GABRG3: variants seen among roughly 807,000 people sequenced by gnomAD.
The protein encoded by GABRG3 is gamma-aminobutyric acid receptor subunit gamma-3.
GABRG3 carries 25 observed loss-of-function variants against 48.8 expected under a neutral mutation model. That is an observed-to-expected ratio of 0.51 (90% CI 0.37 to 0.72). The LOEUF (loss-of-function observed/expected upper bound fraction) is 0.72, where lower values mean the gene tolerates loss of function less well. Among genes scored for constraint, GABRG3 ranks in the 30% least tolerant of loss-of-function variants. The pLI, the probability that GABRG3 is intolerant of heterozygous loss-of-function variation, is 0.00. For missense variants in GABRG3, 394 were observed against 577.9 expected (o/e 0.68, Z 3.26); for synonymous variants, 227 against 217.6 (o/e 1.04, Z -0.38).
chr15:27,307,157 A>C (rs186011615), intron 3 of GABRG3, among the ~76,000 whole-genome samples: 1 of 135,002 alleles, frequency 7.4e-6, no homozygotes, highest in African/African-American at 2.7e-5. Context: ...TAAACATATA[A>C]AAACATGTTT....
intron 3 of GABRG3, among the ~76,000 whole-genome samples, chr15:27,218,780 C>T (rs151268427): frequency 8.5e-5 from 13 of 152,306 alleles, no homozygotes; most frequent in South Asian, 2.1e-4. Context: ...TGAACCGCTG[C>T]GACTGATGGT....
intron 5 of GABRG3, among the ~76,000 whole-genome samples, chr15:27,456,549 C>G (rs1023310591): frequency 1.1e-4 from 16 of 152,212 alleles, no homozygotes; most frequent in African/African-American, 3.6e-4. Context: ...AAGAAGAGGC[C>G]AGGAGTCCAC....
chr15:27,531,889 G>A (rs529577156), intron 9 of GABRG3, among the ~76,000 whole-genome samples: 1 of 152,294 alleles, frequency 6.6e-6, no homozygotes, highest in South Asian at 2.1e-4. Flanking sequence ...GAGGGCTTGG[G>A]AGGTAGAAAA....
chr15:27,332,003 A>G (rs1461896989), intron 5 of GABRG3, among the ~76,000 whole-genome samples: 1 of 152,266 alleles, frequency 6.6e-6, no homozygotes, highest in Non-Finnish European at 1.5e-5. Context: ...GCTTTAAAGT[A>G]TAAGTTTTTG....
At chr15:27,511,555 A>G (rs1890895392) in intron 6 of GABRG3, among the ~76,000 whole-genome samples, 1 of 152,242 alleles carries the variant, frequency 6.6e-6, no homozygotes, top group Admixed American at 6.5e-5. Flanking sequence ...ATACTGCTCA[A>G]CGCAAAATCC....
chr15:27,310,702 G>GAACTTGCT (rs1213006992), intron 3 of GABRG3, among the ~76,000 whole-genome samples: 2 of 152,110 alleles, frequency 1.3e-5, no homozygotes, highest in East Asian at 3.9e-4. Context: ...GAAGTTTGAA[G>GAACTTGCT]AACTTGCTTC....
intron 5 of GABRG3, among the ~76,000 whole-genome samples, chr15:27,347,819 C>G (rs974733752): frequency 6.6e-6 from 1 of 152,144 alleles, no homozygotes; most frequent in Non-Finnish European, 1.5e-5. Flanking sequence ...GCTTATGACT[C>G]CTGCAGCTTC....
intron 6 of GABRG3, among the ~76,000 whole-genome samples, chr15:27,505,088 G>A (rs745360610): frequency 8.6e-5 from 13 of 152,014 alleles, no homozygotes; most frequent in East Asian, 1.9e-4. Context: ...TTGATACCAC[G>A]TTGCTTTTAG....
At chr15:27,433,460 C>T (rs760309841) in intron 5 of GABRG3, among the ~76,000 whole-genome samples, 15 of 152,152 alleles carry the variant, frequency 9.9e-5, no homozygotes, top group African/African-American at 2.2e-4. Context: ...CAGCTGTTGC[C>T]TGGCCTTGGC....
rs753812381 is a variant in GABRG3 at position 27,180,900 on chromosome 15, T to G, written c.271-145909T>G. On this transcript the variant is annotated intron_variant, in intron 3 of 9. Transcript: ENST00000615808. This position sits in a 1 kb window ranked among gnomAD's most constrained non-coding sequence, Gnocchi z 4.2. The stretch of plus-strand genomic sequence containing the variant: ...TGGACTAACCAATCTAACACAGGAT[T>G]ATCGTTCCAGTTTAGTATTTTAGGG... Among the ~76,000 whole-genome samples, 3 of 152,204 alleles carry G rather than the reference T, an allele frequency of 2.0e-5. No individual in the cohort carries two copies. Among genetic ancestry groups the G allele is most frequent in the East Asian group, 3.9e-4 (2 of 5,154 alleles).
intron 2 of GABRG3, among the ~76,000 whole-genome samples, chr15:27,003,895 G>A (rs1274777222): frequency 3.4e-5 from 5 of 148,668 alleles, no homozygotes; most frequent in Non-Finnish European, 6.0e-5. Context: ...GGCTGGCCGG[G>A]CAGAGGGGCT....
chr15:27,003,712 T>C (rs1311458891), intron 2 of GABRG3, among the ~76,000 whole-genome samples: 6 of 152,162 alleles, frequency 3.9e-5, no homozygotes, highest in Non-Finnish European at 8.8e-5. Flanking sequence ...ATTGTCATCA[T>C]GGCCCGTTCT....
chr15:27,346,639 C>CTT (rs374586550), intron 5 of GABRG3, among the ~76,000 whole-genome samples: 151,799 of 151,892 alleles, frequency 1, 75,854 homozygotes, highest in Middle Eastern at 1. Flanking sequence ...TTTTTTGATG[C>CTT]TTTTTTTCCT....
intron 5 of GABRG3, among the ~76,000 whole-genome samples, chr15:27,338,776 C>T (rs1031115553): frequency 1.3e-5 from 2 of 152,172 alleles, no homozygotes; most frequent in East Asian, 1.9e-4. Context: ...GACAAACCAG[C>T]AAATGTATAT....
At chr15:27,448,058 G>A (rs77330559) in intron 5 of GABRG3, among the ~76,000 whole-genome samples, 10,102 of 152,082 alleles carry the variant, frequency 0.066, 759 homozygotes, top group East Asian at 0.29. Flanking sequence ...TGGTAACAGA[G>A]AAAGATAGAG....
chr15:27,353,619 T>A (rs1595698914), intron 5 of GABRG3, among the ~76,000 whole-genome samples: 1 of 152,048 alleles, frequency 6.6e-6, no homozygotes, highest in East Asian at 1.9e-4. Context: ...AATTTTCATA[T>A]TTTTATTAGA....
Position 27,485,457 on chromosome 15 carries a change from C to A in GABRG3, c.712+4670C>A, listed in dbSNP as rs553707619. Among the ~76,000 whole-genome samples the A allele has an allele frequency of 3.3e-5, 5 of 152,140 alleles. No individual in the cohort carries two copies. In the South Asian group the frequency reaches 6.2e-4, roughly 19 times the overall value. ...GGAAAGAGCATCACTGAGGTTGCAC[C>A]AGGAGGGGGCGTCACGGTGAGCATG... is the stretch of plus-strand genomic sequence containing the variant. On this transcript the variant is annotated intron_variant, in intron 6 of 9. Transcript: ENST00000615808.
intron 6 of GABRG3, among the ~76,000 whole-genome samples, chr15:27,496,634 T>G (rs1232635373): frequency 6.6e-6 from 1 of 152,194 alleles, no homozygotes; most frequent in Non-Finnish European, 1.5e-5. Context: ...GTTTATTAGT[T>G]TTATTTAACT....
At chr15:27,018,483 T>C (rs900972289) in intron 2 of GABRG3, among the ~76,000 whole-genome samples, 1 of 152,228 alleles carries the variant, frequency 6.6e-6, no homozygotes, top group African/African-American at 2.4e-5. Context: ...ACTTATCATA[T>C]CTGACCCACA....
Sources: gnomAD v4.1 joint callset for allele counts (sites outside exome capture counted in the v4.1 genomes callset) on GRCh38, gnomAD v4.1.1 for gene constraint, Gnocchi (gnomAD v3.1) non-coding constraint, MANE v1.5 for transcripts, NCBI Gene and HGNC (gene_info 2026-07-23, HGNC 2026-07-21) for gene names.